LIMD1: variants seen among roughly 807,000 people sequenced by gnomAD.
LIMD1 encodes the protein LIM domain-containing protein 1.
A neutral mutation model predicts 58.4 loss-of-function variants in LIMD1; 23 were observed. The observed-to-expected ratio is 0.39, with a 90% CI of 0.28 to 0.56. The LOEUF is 0.56. LIMD1 is among the 20% of genes least tolerant of loss of function. The pLI, the probability that LIMD1 is intolerant of heterozygous loss-of-function variation, is 0.57. For missense variants in LIMD1, 838 were observed against 855.5 expected (o/e 0.98, Z 0.25); for synonymous variants, 334 against 345.5 (o/e 0.97, Z 0.37).
At chr3:45,629,785 T>C (rs574900406) in intron 1 of LIMD1, among the ~76,000 whole-genome samples, 14 of 151,912 alleles carry the variant, frequency 9.2e-5, no homozygotes, top group African/African-American at 3.4e-4. Context: ...CGAGGCAGAG[T>C]TTGGCTGGGG....
Position 45,595,158 on chromosome 3 carries a change from G to A in LIMD1, c.279G>A (p.Val93=). Residue 93 remains valine (V), a synonymous_variant, in exon 1 of 8, where the codon GTG becomes GTA. Coordinates refer to ENST00000273317, the MANE Select transcript of LIMD1 (RefSeq NM_014240.3). The part of the protein sequence containing the change: ...RLGPQARWEV[V]GSKLTVDGAA... ...GCCCACAGGCCCGTTGGGAAGTTGTGGGCAGCAAGCTGACTGTGGATGGTG... is the reference window on the plus strand; with the variant it reads ...GCCCACAGGCCCGTTGGGAAGTTGTAGGCAGCAAGCTGACTGTGGATGGTG... 5 of 1,604,774 alleles carry A rather than the reference G, an allele frequency of 3.1e-6. 1 individual carries two copies. The highest frequency in any genetic ancestry group is 2.7e-5 in the African/African-American group (2 of 74,894).
chr3:45,645,214 T>C (rs1210991884), intron 2 of LIMD1, among the ~76,000 whole-genome samples: 1 of 152,090 alleles, frequency 6.6e-6, no homozygotes, highest in African/African-American at 2.4e-5. Context: ...AAGGGTCTCT[T>C]GTGTCCGTCT....
At chr3:45,618,868 G>A (rs1038875033) in intron 1 of LIMD1, among the ~76,000 whole-genome samples, 1 of 152,206 alleles carries the variant, frequency 6.6e-6, no homozygotes, top group Non-Finnish European at 1.5e-5. Flanking sequence ...CACCAGGACT[G>A]CAGGGTGGTC....
chr3:45,656,389 C>T (rs997524556), intron 2 of LIMD1, among the ~76,000 whole-genome samples: 1 of 150,154 alleles, frequency 6.7e-6, no homozygotes, highest in African/African-American at 2.5e-5. Context: ...GTTCGAATCT[C>T]AACTTTTCTA....
rs566623393 is a variant in LIMD1, at chr3:45,685,429, G to C, written c.*8370G>C. On this transcript the variant is annotated 3_prime_UTR_variant, in exon 8 of 8. Coordinates refer to ENST00000273317, the MANE Select transcript of LIMD1 (RefSeq NM_014240.3). ...ATGGGTGGCAGTTGCTCATATGGAA[G>C]CATTTCTTTTCCCCCTAAAGCCTAT... The C allele has an allele frequency of 2.1e-4, 32 of 152,292 alleles. No homozygotes were observed. The highest frequency in any genetic ancestry group is 7.5e-4 in the African/African-American group (31 of 41,566). The allele number at this position is 152,292 out of a possible 1,614,324, so 9.4% of individuals were successfully genotyped here.
chr3:45,632,462 G>T (rs933090358), intron 1 of LIMD1: 4 of 959,818 alleles, frequency 4.2e-6, no homozygotes, highest in Non-Finnish European at 5.0e-6. Flanking sequence ...CTGTGGCTGG[G>T]GGTGTTCAGA....
At chr3:45,601,770 G>A (rs1048762448) in intron 1 of LIMD1, among the ~76,000 whole-genome samples, 1 of 152,086 alleles carries the variant, frequency 6.6e-6, no homozygotes, top group Non-Finnish European at 1.5e-5. Context: ...CATACCAGTC[G>A]GGATTTTGCT....
At chr3:45,650,910 C>T (rs1408084960) in intron 2 of LIMD1, among the ~76,000 whole-genome samples, 1 of 151,844 alleles carries the variant, frequency 6.6e-6, no homozygotes, top group Non-Finnish European at 1.5e-5. Flanking sequence ...GAGGAATTGC[C>T]ACGCTGTCTT....
intron 2 of LIMD1, among the ~76,000 whole-genome samples, chr3:45,639,942 C>T (rs1701825667): frequency 1.3e-5 from 2 of 152,212 alleles, no homozygotes; most frequent in Non-Finnish European, 1.5e-5. Context: ...GGATTACAGG[C>T]GTGAGCCACC....
chr3:45,662,994 A>C (rs1223677237), intron 2 of LIMD1, among the ~76,000 whole-genome samples: 7 of 152,066 alleles, frequency 4.6e-5, no homozygotes, highest in South Asian at 2.1e-4. Flanking sequence ...AAAAAAAAAA[A>C]ACAAAACAGT....
rs1701319526 is a variant in LIMD1 at position 45,594,805 on chromosome 3, A to ACACACACACACACAC, written c.-74_-60dup. Reference sequence around the variant, plus strand: ...CACACACACACACACACACACACACACACACACACACACACACACACACAC... The same window carrying ACACACACACACACAC: ...CACACACACACACACACACACACACACACACACACACACACCACACACACACACACACACACACAC... On this transcript the variant is annotated 5_prime_UTR_variant, in exon 1 of 8. Transcript: ENST00000273317. 21 of 451,286 alleles carry ACACACACACACACAC rather than the reference A, an allele frequency of 4.7e-5. No homozygotes were observed. The highest frequency in any genetic ancestry group is 2.0e-4 in the South Asian group (7 of 35,304). 28.0% of individuals were successfully genotyped at this position (451,286 alleles called of 1,614,324 possible).
In LIMD1 at chr3:45,676,968, C is replaced by T. The variant is rs1173957125; in HGVS notation, c.1940C>T (p.Pro647Leu). Residue 647 changes from proline (P) to leucine (L), a missense_variant, in exon 8 of 8, where the codon CCG becomes CTG. Pro to Leu is a moderately conservative substitution (Grantham distance 98). Around this residue, in one of 3 missense-constraint regions of LIMD1, gnomAD observed 174 missense variants for 197.4 expected, o/e 0.88. Coordinates refer to ENST00000273317, the MANE Select transcript of LIMD1 (RefSeq NM_014240.3). Reference protein sequence around the residue: ...LNDEDGHRCYPLEDHLFCHSC... With the variant: ...LNDEDGHRCYLLEDHLFCHSC... ...GATGAAGATGGCCACCGCTGTTATC[C>T]GCTGGAGGACCACCTGTTCTGTCAC... 1.2e-6 allele frequency: 2 copies of T among 1,614,046 alleles called. No homozygotes were observed. The highest frequency in any genetic ancestry group is 1.7e-6 in the Non-Finnish European group (2 of 1,179,914).
chr3:45,618,889 G>T (rs1701603130), intron 1 of LIMD1, among the ~76,000 whole-genome samples: 1 of 152,196 alleles, frequency 6.6e-6, no homozygotes, highest in African/African-American at 2.4e-5. Context: ...CTTAGGTTCA[G>T]CAAGAGTGGA....
At chr3:45,618,480 G>A (rs1476843184) in intron 1 of LIMD1, among the ~76,000 whole-genome samples, 2 of 152,116 alleles carry the variant, frequency 1.3e-5, no homozygotes, top group Non-Finnish European at 2.9e-5. Context: ...GGAGGCCTGG[G>A]GAAGAACTCA....
chr3:45,676,480 T>G (rs1327309015), intron 7 of LIMD1, among the ~76,000 whole-genome samples: 2 of 151,676 alleles, frequency 1.3e-5, no homozygotes, highest in African/African-American at 2.4e-5. Context: ...CAGGCCCTGG[T>G]GTGTGTTGTT....
chr3:45,599,554 C>T (rs890405826), intron 1 of LIMD1, among the ~76,000 whole-genome samples: 1 of 152,350 alleles, frequency 6.6e-6, no homozygotes, highest in South Asian at 2.1e-4. Flanking sequence ...CTGCCAGCCC[C>T]AGTGGTGGCA....
chr3:45,638,096 A>G (rs1166512770), intron 2 of LIMD1, among the ~76,000 whole-genome samples: 3 of 152,122 alleles, frequency 2.0e-5, no homozygotes, highest in African/African-American at 7.2e-5. Context: ...TACCCTGTGG[A>G]GATTGACCAG....
In LIMD1 at chr3:45,628,460, G is replaced by A. The variant is rs369172593; in HGVS notation, c.1409-7690G>A. 5.9e-5 allele frequency among the ~76,000 whole-genome samples: 9 copies of A among 152,364 alleles called. No individual in the cohort carries two copies. In the South Asian group the frequency reaches 1.2e-3, roughly 21 times the overall value. On this transcript the variant is annotated intron_variant, in intron 1 of 7. Coordinates refer to ENST00000273317, the MANE Select transcript of LIMD1 (RefSeq NM_014240.3). ...ATTAAAACTACAATGAGATGCTACT[G>A]TATAACCTATTACAATAGAATGGAT... is the stretch of plus-strand genomic sequence containing the variant.
chr3:45,670,584 G>A (rs909347969), intron 4 of LIMD1, among the ~76,000 whole-genome samples: 6 of 152,174 alleles, frequency 3.9e-5, no homozygotes, highest in African/African-American at 1.4e-4. Context: ...CAGTAGTCTA[G>A]TTCAGACTTC....
Sources: allele counts gnomAD v4.1 joint callset (sites outside exome capture counted in the v4.1 genomes callset), GRCh38; gene constraint gnomAD v4.1.1; regional missense constraint gnomAD v4.1.1; transcripts MANE v1.5; gene names NCBI Gene and HGNC (gene_info 2026-07-23, HGNC 2026-07-21).